Variants in HELQ observed in about 807,000 individuals in gnomAD.
HELQ encodes the protein helicase POLQ-like.
A neutral mutation model predicts 111.6 loss-of-function variants in HELQ; 77 were observed. The ratio of observed to expected loss-of-function variants is 0.69; its 90% confidence interval spans 0.57 to 0.83. The LOEUF (loss-of-function observed/expected upper bound fraction) is 0.83, where lower values mean the gene tolerates loss of function less well. Among genes scored for constraint, HELQ ranks in the 40% least tolerant of loss-of-function variants. HELQ has a pLI of 0.00. For synonymous variants in HELQ, 438 were observed against 454.7 expected, an observed-to-expected ratio of 0.96 and a Z score of 0.47; for missense variants, 1,200 against 1,288.5, an observed-to-expected ratio of 0.93 and a Z score of 1.05.
chr4:83,443,918 GCCTGTAGT>G (rs1464921359), intron 5 of HELQ, among the ~76,000 whole-genome samples: 1 of 151,854 alleles, frequency 6.6e-6, no homozygotes, highest in Non-Finnish European at 1.5e-5. Flanking sequence ...GGTAGTGCAC[GCCTGTAGT>G]CCCAGCTACT....
chr4:83,446,343 G>GT (rs1325157713), intron 4 of HELQ, among the ~76,000 whole-genome samples: 6 of 151,952 alleles, frequency 3.9e-5, no homozygotes, highest in Non-Finnish European at 7.4e-5. Context: ...TTTGGCTCTT[G>GT]ACCCCCAGGC....
chr4:83,432,306 G>C (rs1720196491), intron 9 of HELQ, 39 bp from the exon 10 acceptor site: 2 of 1,411,594 alleles, frequency 1.4e-6, no homozygotes, highest in African/African-American at 2.9e-5. Flanking sequence ...ACAGCAAACA[G>C]CACCAATTTA....
intron 9 of HELQ, among the ~76,000 whole-genome samples, chr4:83,434,339 C>G (rs1720332964): frequency 6.6e-6 from 1 of 152,124 alleles, no homozygotes; most frequent in Non-Finnish European, 1.5e-5. Context: ...CCACTGCACT[C>G]CAGCCTGGCC....
chr4:83,427,906 C>A (rs963734528), intron 12 of HELQ, among the ~76,000 whole-genome samples, 186 bp from the exon 13 acceptor site: 1 of 152,086 alleles, frequency 6.6e-6, no homozygotes, highest in Non-Finnish European at 1.5e-5. Flanking sequence ...AAGTACATAC[C>A]TTCTGAACCA....
At chr4:83,449,366 C>T (rs777649450) in intron 2 of HELQ, among the ~76,000 whole-genome samples, 2 of 152,188 alleles carry the variant, frequency 1.3e-5, no homozygotes, top group African/African-American at 4.8e-5. Flanking sequence ...CTCATTCAGC[C>T]AAAAGCCATC....
At chr4:83,426,645 C>T (rs1719868551) in intron 13 of HELQ, among the ~76,000 whole-genome samples, 1 of 151,540 alleles carries the variant, frequency 6.6e-6, no homozygotes, top group South Asian at 2.1e-4. Context: ...CTTACTGCAA[C>T]CTCCGCCTCC....
Position 83,418,172 on chromosome 4 carries a change from A to G in HELQ, c.2984T>C (p.Leu995Ser). The change falls in exon 16 of 18, where the codon TTG (leucine) becomes TCG (serine). Residue 995 changes from leucine to serine, a missense_variant. Physicochemically the swap from Leu to Ser is moderately radical, Grantham distance 145. Coordinates refer to ENST00000295488, the MANE Select transcript of HELQ (RefSeq NM_133636.5). ...LEEFWVYRAL[L>S]VELTKKLTYC... ...AGTCAGCTTCTTGGTAAGTTCTACC[A>G]AAAGGGCTCTGTAAACCCAAAACTC... is the stretch of plus-strand genomic sequence containing the variant. 1 of 1,608,116 alleles carries G rather than the reference A, an allele frequency of 6.2e-7. No homozygotes were observed. Among genetic ancestry groups the G allele is most frequent in the Non-Finnish European group, 8.5e-7 (1 of 1,176,676 alleles).
Position 83,408,254 on chromosome 4 carries a change from C to T in HELQ, c.3199-694G>A, listed in dbSNP as rs966924510. Among the ~76,000 whole-genome samples, 11 of 152,164 alleles carry T rather than the reference C, an allele frequency of 7.2e-5. No homozygotes were observed. The South Asian group carries it at 8.3e-4, about 11-fold the overall frequency. ...AGAATAAATTCCGCTCCCCCCCACC[C>T]GCCTTTTTTTCTTTTTTAGACGGAG... is the stretch of plus-strand genomic sequence containing the variant. On this transcript the variant is annotated intron_variant, in intron 17 of 17. Transcript: ENST00000295488.
chr4:83,415,636 CT>C (rs202106636), intron 17 of HELQ, among the ~76,000 whole-genome samples: 2,504 of 142,094 alleles, frequency 0.018, 28 homozygotes, highest in Middle Eastern at 0.032. Context: ...TTGAAATTGT[CT>C]TTTTTTTTTT....
chr4:83,445,883 A>G, intron 5 of HELQ, 131 bp downstream of exon 5: 1 of 601,508 alleles, frequency 1.7e-6, no homozygotes, highest in East Asian at 2.9e-5. Context: ...TTCATTAGAA[A>G]TTTTAAAACA....
chr4:83,432,638 A>T (rs1477966641), intron 9 of HELQ, among the ~76,000 whole-genome samples: 1 of 152,144 alleles, frequency 6.6e-6, no homozygotes, highest in East Asian at 1.9e-4. Context: ...TGGACTTTAT[A>T]CTCCATAAAT....
intron 8 of HELQ, among the ~76,000 whole-genome samples, chr4:83,439,417 T>C (rs1317647031): frequency 8.0e-5 from 12 of 150,150 alleles, no homozygotes; most frequent in East Asian, 2.0e-4. Flanking sequence ...TGGAGTGCAG[T>C]AGTGCGATCT....
intron 6 of HELQ, among the ~76,000 whole-genome samples, chr4:83,441,875 GCTAT>G (rs1720776815): frequency 6.7e-6 from 1 of 149,802 alleles, no homozygotes; most frequent in Non-Finnish European, 1.5e-5. Context: ...CAGGGCTCAT[GCTAT>G]CCTCCTACCT....
At position 83,455,812 on chromosome 4, in the gene HELQ, A is replaced by G. The variant is rs1340600059; in HGVS notation, c.-119T>C. 9.7e-7 allele frequency: 1 copy of G among 1,030,274 alleles called. No individual in the cohort carries two copies. Among genetic ancestry groups the G allele is most frequent in the East Asian group, 2.4e-5 (1 of 42,028 alleles). 63.8% of individuals were successfully genotyped at this position (1,030,274 alleles called of 1,614,324 possible). A position where few individuals can be genotyped will look rare whatever the true frequency, so the allele number is the denominator to read the frequency against. On this transcript the variant is annotated 5_prime_UTR_variant, in exon 1 of 18. Transcript: ENST00000295488. ...TACATCCACCTTGGGAAAAGACCCC[A>G]AGTTAGCTCTCAGGGCTCGCGGACC...
chr4:83,437,369 T>C (rs566623190), intron 8 of HELQ, among the ~76,000 whole-genome samples: 1 of 151,938 alleles, frequency 6.6e-6, no homozygotes, highest in Non-Finnish European at 1.5e-5. Flanking sequence ...TCTCAGCACT[T>C]TGGGAGGTAG....
chr4:83,453,158 G>A, intron 2 of HELQ, 73 bp downstream of exon 2: 1 of 802,384 alleles, frequency 1.2e-6, no homozygotes, highest in Non-Finnish European at 2.0e-6. Flanking sequence ...GAAAGCATTT[G>A]CTTCTATTTA....
rs1042135462 is a variant in HELQ, at chr4:83,432,384, G to A, written c.2049-117C>T. 26 of 601,642 alleles carry A rather than the reference G, an allele frequency of 4.3e-5. No homozygotes were observed. In the African/African-American group the frequency reaches 4.6e-4, roughly 11 times the overall value. The allele number at this position is 601,642 out of a possible 1,614,324, so 37.3% of individuals were successfully genotyped here. On this transcript the variant is annotated intron_variant, in intron 9 of 17. Coordinates refer to ENST00000295488, the MANE Select transcript of HELQ (RefSeq NM_133636.5). ...ATGACATACTAACACAAAATAATAGGTAACTAGTGTTTACCAAGAATCTAT... is the reference window on the plus strand; with the variant it reads ...ATGACATACTAACACAAAATAATAGATAACTAGTGTTTACCAAGAATCTAT...
intron 17 of HELQ, among the ~76,000 whole-genome samples, chr4:83,410,519 A>AGG (rs60906325): frequency 9.9e-6 from 1 of 101,320 alleles, no homozygotes; most frequent in Non-Finnish European, 1.8e-5. Flanking sequence ...TGAGGAAAAC[A>AGG]GAAATATATT....
At chr4:83,455,349 G>T (rs768714299) in intron 1 of HELQ, 48 bp downstream of exon 1, 1 of 1,590,642 alleles carries the variant, frequency 6.3e-7, no homozygotes, top group East Asian at 2.2e-5. Context: ...CTTTGCATCT[G>T]GGAAGGATGC....
Sources: allele counts gnomAD v4.1 joint callset (sites outside exome capture counted in the v4.1 genomes callset), GRCh38; gene constraint gnomAD v4.1.1; transcripts MANE v1.5; gene names NCBI Gene and HGNC (gene_info 2026-07-23, HGNC 2026-07-21).